The following CLU variants were observed in gnomAD, a reference collection of about 807,000 sequenced individuals.
CLU encodes the protein aging-associated protein 4.
CLU carries 25 observed loss-of-function variants against 46.4 expected under a neutral mutation model. The ratio of observed to expected loss-of-function variants is 0.54; its 90% CI spans 0.39 to 0.75. The LOEUF (loss-of-function observed/expected upper bound fraction) is 0.75, where lower values mean the gene tolerates loss of function less well. Among genes scored for constraint, CLU ranks in the 30% least tolerant of loss-of-function variants. The probability of loss-of-function intolerance (pLI) is 0.00; values close to 1 mark genes in which losing one functional copy is unlikely to be tolerated. For synonymous variants in CLU, 235 were observed against 235.1 expected (o/e 1.00, Z 0.00); for missense variants, 504 against 592.1 (o/e 0.85, Z 1.54).
Position 27,604,597 on chromosome 8 carries a change from C to T in CLU, c.830-202G>A, listed in dbSNP as rs555182137. On this transcript the variant is annotated intron_variant, in intron 5 of 8. Transcript: ENST00000316403. ...AGGTGACTCTCTTGCCTCAGCCTCCCGAGTAGCTGAGACTACAGGTGTGCA... is the reference window on the plus strand; with the variant it reads ...AGGTGACTCTCTTGCCTCAGCCTCCTGAGTAGCTGAGACTACAGGTGTGCA... 1.1e-4 allele frequency among the ~76,000 whole-genome samples: 16 copies of T among 152,274 alleles called. No homozygotes were observed. In the South Asian group the frequency reaches 2.1e-3, roughly 20 times the overall value.
At chr8:27,603,533 A>G (rs964892522) in intron 6 of CLU, among the ~76,000 whole-genome samples, 1 of 152,216 alleles carries the variant, frequency 6.6e-6, no homozygotes, top group Admixed American at 6.5e-5. Flanking sequence ...AAATACTGTC[A>G]CAGCTGTTAT....
intron 4 of CLU, among the ~76,000 whole-genome samples, 188 bp downstream of exon 4, chr8:27,606,166 C>T (rs755147762): frequency 6.6e-6 from 1 of 152,236 alleles, no homozygotes; most frequent in Non-Finnish European, 1.5e-5. Flanking sequence ...AAGGCAGATA[C>T]CTGGCCTACA....
At chr8:27,611,954 G>A (rs898658065) in intron 1 of CLU, 23 of 360,660 alleles carry the variant, frequency 6.4e-5, no homozygotes, top group African/African-American at 4.5e-4. Flanking sequence ...TCTCTGCCAG[G>A]GGCCCCTGAA....
intron 5 of CLU, 56 bp downstream of exon 5, chr8:27,604,868 G>T (rs9331913): frequency 1.3e-6 from 2 of 1,582,510 alleles, no homozygotes; most frequent in Admixed American, 1.7e-5. Context: ...CCCTCGGCAT[G>T]GTTCTCAGCA....
rs1368870460 is a variant in CLU at position 27,604,466 on chromosome 8, TTATTTTTATTTA to T, written c.830-83_830-72del. On this transcript the variant is annotated intron_variant, in intron 5 of 8. Coordinates refer to ENST00000316403, the MANE Select transcript of CLU (RefSeq NM_001831.4). ...AGATGGACTCCACTGATTCCTATTG[TTATTTTTATTTA>T]TTTTTTAATTTACAGACAGGGTCTC... The T allele has an allele frequency of 2.0e-5, 23 of 1,151,196 alleles. No individual in the cohort carries two copies. In the African/African-American group the frequency reaches 3.4e-4, roughly 17 times the overall value. The allele number at this position is 1,151,196 out of a possible 1,614,324, so 71.3% of individuals were successfully genotyped here.
intron 3 of CLU, among the ~76,000 whole-genome samples, chr8:27,607,514 T>A (rs568906512): frequency 6.6e-6 from 1 of 151,772 alleles, no homozygotes; most frequent in South Asian, 2.1e-4. Context: ...ATGGTTCATA[T>A]AAAGGGTAGA....
chr8:27,611,173 C>A (rs1202606996), intron 1 of CLU: 1 of 453,554 alleles, frequency 2.2e-6, no homozygotes, highest in Non-Finnish European at 4.4e-6. Context: ...GAGCCGGAGG[C>A]AACAGCAGCC....
chr8:27,598,634 AC>A lies in CLU; in HGVS notation c.1165del (p.Val389TrpfsTer19), dbSNP rs761795981. 6.2e-7 allele frequency: 1 copy of A among 1,614,006 alleles called. No individual in the cohort carries two copies. Reference sequence around the variant, plus strand: ...GTCCGAGTCAGAAGTGTGGGAAGCCACCTAAATGGAACAAGAGAAAAGGGAA... The same window carrying A: ...GTCCGAGTCAGAAGTGTGGGAAGCCACTAAATGGAACAAGAGAAAAGGGAA... The part of the protein sequence containing the change: ...EDQYYLRVTT[V>X]ASHTSDSDVP... On this transcript the variant is annotated frameshift_variant and splice_region_variant, in exon 8 of 9. Coordinates refer to ENST00000316403, the MANE Select transcript of CLU (RefSeq NM_001831.4). LOFTEE classifies it high-confidence loss of function.
rs373114324 is a variant in CLU at position 27,598,096 on chromosome 8, G to C, written c.*145C>G. The C allele has an allele frequency of 5.3e-6, 4 of 748,840 alleles. No homozygotes were observed. Among genetic ancestry groups the C allele is most frequent in the Non-Finnish European group, 9.7e-6 (4 of 413,592 alleles). 46.4% of individuals were successfully genotyped at this position (748,840 alleles called of 1,614,324 possible). ...AGTGTTAGAGTGCAGGATCCAGAGCGGGGAGAGGCTGGGCGGAGTTGGGGG... is the reference window on the plus strand; with the variant it reads ...AGTGTTAGAGTGCAGGATCCAGAGCCGGGAGAGGCTGGGCGGAGTTGGGGG... On this transcript the variant is annotated 3_prime_UTR_variant, in exon 9 of 9. Coordinates refer to ENST00000316403, the MANE Select transcript of CLU (RefSeq NM_001831.4).
In CLU at chr8:27,605,496, C is replaced by G. The variant is rs9331912; in HGVS notation, c.418-161G>C. 3.6e-3 allele frequency among the ~76,000 whole-genome samples: 552 copies of G among 152,380 alleles called. 4 individuals are homozygous for G. Among genetic ancestry groups the G allele is most frequent in the African/African-American group, 0.012 (503 of 41,596 alleles). ...CTGGGACCAGCCCCCAGCACCCCATCTGTCAGGTCCATGCTCTTTCCTTTT... is the reference window on the plus strand; with the variant it reads ...CTGGGACCAGCCCCCAGCACCCCATGTGTCAGGTCCATGCTCTTTCCTTTT... On this transcript the variant is annotated intron_variant, in intron 4 of 8. Coordinates refer to ENST00000316403, the MANE Select transcript of CLU (RefSeq NM_001831.4).
Position 27,608,992 on chromosome 8 carries a change from G to A in CLU, c.192C>T (p.Asn64=), listed in dbSNP as rs146277764. The A allele has an allele frequency of 5.3e-4, 855 of 1,614,156 alleles. 1 individual carries two copies. Among genetic ancestry groups the A allele is most frequent in the Admixed American group, 1.1e-3 (66 of 60,026 alleles). Residue 64 remains asparagine (N), a synonymous_variant, in exon 3 of 9, where the codon AAC becomes AAT. Transcript: ENST00000316403. ...KQIKTLIEKT[N]EERKTLLSNL... ...TGCTGAGCAGTGTCTTGCGCTCTTC[G>A]TTTGTTTTTTCTATGAGAGTCTTTA...
intron 4 of CLU, among the ~76,000 whole-genome samples, chr8:27,605,686 A>T (rs925654344): frequency 3.3e-5 from 5 of 152,228 alleles, no homozygotes; most frequent in Non-Finnish European, 2.9e-5. Context: ...CAATTCACTG[A>T]GTCCCAATCA....
At chr8:27,600,100 A>C in intron 6 of CLU, 91 bp from the exon 7 acceptor site, 1 of 971,532 alleles carries the variant, frequency 1.0e-6, no homozygotes, top group Non-Finnish European at 1.6e-6. Context: ...TAGCACATGC[A>C]GCGGGAACAA....
chr8:27,610,993 G>A, intron 1 of CLU: 2 of 365,430 alleles, frequency 5.5e-6, no homozygotes, highest in South Asian at 4.1e-5. Context: ...ACCCCCCTTA[G>A]GTCATGCATC....
intron 6 of CLU, among the ~76,000 whole-genome samples, chr8:27,603,384 A>G (rs1800756591): frequency 6.6e-6 from 1 of 152,222 alleles, no homozygotes; most frequent in Admixed American, 6.5e-5. Flanking sequence ...GGAATGTTTA[A>G]CTAGACCCTG....
In CLU at chr8:27,601,205, C is replaced by T. The variant is rs183865191; in HGVS notation, c.935-1196G>A. Among the ~76,000 whole-genome samples, 487 of 152,344 alleles carry T rather than the reference C, an allele frequency of 3.2e-3. 3 individuals are homozygous for T. The highest frequency in any genetic ancestry group is 0.011 in the African/African-American group (462 of 41,578). On this transcript the variant is annotated intron_variant, in intron 6 of 8. Transcript: ENST00000316403. ...TTGGGATTACAGGTGCCTGCCACCA[C>T]CCCCGGGTGATTTTTTTGTATTTTT...
At chr8:27,607,148 G>A (rs1428004302) in intron 3 of CLU, among the ~76,000 whole-genome samples, 6 of 152,110 alleles carry the variant, frequency 3.9e-5, no homozygotes, top group Non-Finnish European at 7.3e-5. Context: ...GACCAGCCTG[G>A]CTAACATGGT....
rs754372820 is a variant in CLU at position 27,604,293 on chromosome 8, A to G, written c.932T>C (p.Val311Ala). 4.3e-6 allele frequency: 7 copies of G among 1,613,638 alleles called. No homozygotes were observed. The highest frequency in any genetic ancestry group is 5.9e-6 in the Non-Finnish European group (7 of 1,179,642). Residue 311 changes from valine (V) to alanine (A), a missense_variant and splice_region_variant, in exon 6 of 9, where the codon GTG becomes GCG. Around this residue, in one of 3 missense-constraint regions of CLU, gnomAD observed 428 missense variants for 484.0 expected, o/e 0.88. Transcript: ENST00000316403. The part of the protein sequence containing the change: ...QCDKCREILS[V>A]DCSTNNPSQA... Reference sequence around the variant, plus strand: ...TTGTGGTCTGGACCCCGACTCACCCACAGACAAGATCTCCCGGCACTTGTC... The same window carrying G: ...TTGTGGTCTGGACCCCGACTCACCCGCAGACAAGATCTCCCGGCACTTGTC...
chr8:27,607,106 G>A (rs1185333039), intron 3 of CLU, among the ~76,000 whole-genome samples: 1 of 152,312 alleles, frequency 6.6e-6, no homozygotes, highest in East Asian at 1.9e-4. Context: ...GGGAGGCCGA[G>A]GCAGGCATAT....
Sources: gnomAD v4.1 joint callset for allele counts (sites outside exome capture counted in the v4.1 genomes callset) on GRCh38, gnomAD v4.1.1 for gene constraint, gnomAD v4.1.1 regional missense constraint, MANE v1.5 for transcripts, NCBI Gene and HGNC (gene_info 2026-07-23, HGNC 2026-07-21) for gene names.